The following FRMPD4 variants were observed in gnomAD, a reference collection of about 807,000 sequenced individuals.
The protein encoded by FRMPD4 is FERM and PDZ domain-containing protein 4.
A neutral mutation model predicts 94.1 loss-of-function variants in FRMPD4; 22 were observed. The ratio of observed to expected loss-of-function variants is 0.23; its 90% CI spans 0.17 to 0.33. The LOEUF (loss-of-function observed/expected upper bound fraction) is 0.33, where lower values mean the gene tolerates loss of function less well. Among genes scored for constraint, FRMPD4 ranks in the 10% least tolerant of loss-of-function variants. The pLI, the probability that FRMPD4 is intolerant of heterozygous loss-of-function variation, is 1.00. For missense variants in FRMPD4, 1,111 were observed against 1,339.9 expected (o/e 0.83, Z 2.67); for synonymous variants, 631 against 548.6 (o/e 1.15, Z -2.10).
At chrX:12,053,450 GAA>G (rs1235688963) in intron 3 of FRMPD4, among the ~76,000 whole-genome samples, 7 of 103,517 alleles carry the variant, frequency 6.8e-5, no homozygotes, top group Non-Finnish European at 1.2e-4. Context: ...GAAGAGAAGA[GAA>G]GAGAGGAAAG....
intron 1 of FRMPD4, among the ~76,000 whole-genome samples, chrX:11,856,641 T>C (rs1402988782): frequency 8.9e-6 from 1 of 111,929 alleles, no homozygotes; most frequent in Non-Finnish European, 1.9e-5. Context: ...CCTTGAAAAT[T>C]GGCACAAGAC....
intron 1 of FRMPD4, among the ~76,000 whole-genome samples, chrX:12,260,962 C>G (rs752166713): frequency 9.0e-6 from 1 of 111,700 alleles, no homozygotes; most frequent in African/African-American, 3.3e-5. Flanking sequence ...CTGGGCTGTA[C>G]TCACACCCTG....
At chrX:12,718,831 A>T in intron 16 of FRMPD4, 41 bp downstream of exon 16, 8 of 821,144 alleles carry the variant, frequency 9.7e-6, no homozygotes, top group Non-Finnish European at 1.4e-5. Flanking sequence ...TGACATGCCA[A>T]GAGCATGTAA....
intron 1 of FRMPD4, among the ~76,000 whole-genome samples, chrX:12,458,698 G>T (rs2057361006): frequency 9.0e-6 from 1 of 111,545 alleles, no homozygotes; most frequent in African/African-American, 3.3e-5. Context: ...GGTGAAGGCA[G>T]GTCAGGGCCA....
intron 3 of FRMPD4, among the ~76,000 whole-genome samples, chrX:12,015,906 A>G (rs1215418615): frequency 5.4e-5 from 6 of 112,118 alleles, no homozygotes; most frequent in South Asian, 3.8e-4. Context: ...TAGACTCCCT[A>G]TTGACATCAC....
chrX:12,337,405 T>A (rs939781657), intron 1 of FRMPD4, among the ~76,000 whole-genome samples: 12 of 112,422 alleles, frequency 1.1e-4, no homozygotes, highest in African/African-American at 3.9e-4. Flanking sequence ...TTAGGATTTA[T>A]AAAGAATGCA....
chrX:12,115,575 G>C (rs1368039988), intron 3 of FRMPD4, among the ~76,000 whole-genome samples: 2 of 109,505 alleles, frequency 1.8e-5, no homozygotes, highest in African/African-American at 6.7e-5. Flanking sequence ...TGCCCCCTCT[G>C]TTGGCTCTTG....
intron 1 of FRMPD4, among the ~76,000 whole-genome samples, chrX:12,486,172 G>A (rs7876155): frequency 9.1e-6 from 1 of 110,411 alleles, no homozygotes; most frequent in African/African-American, 3.3e-5. Flanking sequence ...TGTATAAGGG[G>A]CTGGCAGAGA....
At chrX:12,020,497 T>C (rs2054626999) in intron 3 of FRMPD4, among the ~76,000 whole-genome samples, 1 of 111,580 alleles carries the variant, frequency 9.0e-6, no homozygotes, top group African/African-American at 3.3e-5. Context: ...TCTTTCTTCC[T>C]GCCAGTAGGA....
chrX:11,867,763 T>G (rs1256127280), intron 2 of FRMPD4, among the ~76,000 whole-genome samples: 2 of 111,468 alleles, frequency 1.8e-5, no homozygotes, highest in Non-Finnish European at 3.8e-5. Context: ...CAGCTACCCC[T>G]GTGTTCTGTT....
chrX:12,323,959 A>C (rs1292320996), intron 1 of FRMPD4, among the ~76,000 whole-genome samples: 1 of 111,817 alleles, frequency 8.9e-6, no homozygotes, highest in Middle Eastern at 4.2e-3. Context: ...TCTTGAGAGG[A>C]TGAAATGACT....
At chrX:12,144,402 T>G (rs1226371130) in intron 1 of FRMPD4, among the ~76,000 whole-genome samples, 1 of 109,595 alleles carries the variant, frequency 9.1e-6, no homozygotes, top group Non-Finnish European at 1.9e-5. Context: ...CTTGAAGAAA[T>G]CTAAGCCTTA....
intron 1 of FRMPD4, among the ~76,000 whole-genome samples, chrX:12,266,638 G>A (rs2054281574): frequency 9.0e-6 from 1 of 111,557 alleles, no homozygotes; most frequent in Non-Finnish European, 1.9e-5. Flanking sequence ...TACCTTACTC[G>A]GACCATTATT....
At chrX:12,620,029 C>A (rs1428481501) in intron 4 of FRMPD4, among the ~76,000 whole-genome samples, 1 of 112,526 alleles carries the variant, frequency 8.9e-6, no homozygotes, top group Non-Finnish European at 1.9e-5. Flanking sequence ...CTCCTCTCAG[C>A]CATGGTCAGG....
intron 1 of FRMPD4, among the ~76,000 whole-genome samples, chrX:12,189,317 GTTCACTGGTGAA>G (rs144329568): frequency 0.51 from 55,340 of 109,038 alleles, 11,147 homozygotes; most frequent in East Asian, 0.84. Flanking sequence ...GCCCAGATGG[GTTCACTGGTGAA>G]TTCTACCAAA....
At chrX:11,838,511 G>A (rs913231465) in intron 1 of FRMPD4, among the ~76,000 whole-genome samples, 6 of 111,123 alleles carry the variant, frequency 5.4e-5, no homozygotes, top group Non-Finnish European at 1.1e-4. Flanking sequence ...TTTACCCAAA[G>A]GTTTTCTTTT....
chrX:11,907,103 G>A (rs1247505759), intron 3 of FRMPD4, among the ~76,000 whole-genome samples: 1 of 109,735 alleles, frequency 9.1e-6, no homozygotes, highest in Non-Finnish European at 1.9e-5. Flanking sequence ...AATATTTTAA[G>A]CATCTAATAA....
chrX:12,148,949 A>G (rs956716868), intron 1 of FRMPD4, among the ~76,000 whole-genome samples: 7 of 112,137 alleles, frequency 6.2e-5, no homozygotes, highest in African/African-American at 1.9e-4. Context: ...TTCAGGAAAA[A>G]TAGATTCCTT....
At chrX:12,131,189 C>T (rs746919892) in intron 3 of FRMPD4, among the ~76,000 whole-genome samples, 37 of 112,099 alleles carry the variant, frequency 3.3e-4, no homozygotes, top group Middle Eastern at 4.7e-3. Flanking sequence ...ATATAGCAAA[C>T]GTGGTTCTTA....
Sources: gnomAD v4.1 joint callset for allele counts (sites outside exome capture counted in the v4.1 genomes callset) on GRCh38, gnomAD v4.1.1 for gene constraint, MANE v1.5 for transcripts, NCBI Gene and HGNC (gene_info 2026-07-23, HGNC 2026-07-21) for gene names.